NBEA: variants seen among roughly 807,000 people sequenced by gnomAD.
NBEA encodes the protein neurobeachin, also known as lysosomal-trafficking regulator 2.
NBEA carries 44 observed loss-of-function variants against 343.4 expected under a neutral mutation model. The ratio of observed to expected loss-of-function variants is 0.13; its 90% CI spans 0.10 to 0.16. NBEA has a LOEUF of 0.16. Ranked by LOEUF, NBEA falls within the 10% of genes least tolerant of loss-of-function variation. NBEA has a pLI of 1.00. For synonymous variants in NBEA, 1,175 were observed against 1,238.7 expected, an observed-to-expected ratio of 0.95 and a Z score of 1.08; for missense variants, 2,555 against 3,631.3, an observed-to-expected ratio of 0.70 and a Z score of 7.62.
At position 35,164,479 on chromosome 13, in the gene NBEA, A is replaced by C. The variant is rs780927960; in HGVS notation, c.4203A>C (p.Leu1401Phe). 1.2e-6 allele frequency: 2 copies of C among 1,611,106 alleles called. No homozygotes were observed. The highest frequency in any genetic ancestry group is 1.7e-6 in the Non-Finnish European group (2 of 1,178,490). ...TCATCATTGCTTGTGGAGGAATTTT[A>C]CCTTTGCTCTCTGCTGCTACATCAC... ...DNIIIACGGI[L>F]PLLSAATSPT... The change falls in exon 24 of 59, where the codon TTA (leucine) becomes TTC (phenylalanine). Residue 1401 changes from leucine (L) to phenylalanine (F), a missense_variant. This residue lies in a region of NBEA where 69 missense variants were observed against 128.8 expected (regional missense o/e 0.54). Coordinates refer to ENST00000379939, the MANE Select transcript of NBEA (RefSeq NM_001385012.1).
chr13:35,234,699 G>T (rs2075141925), intron 34 of NBEA, among the ~76,000 whole-genome samples: 1 of 152,072 alleles, frequency 6.6e-6, no homozygotes, highest in South Asian at 2.1e-4. Flanking sequence ...TGAGGACACA[G>T]GTTTGAAAGG....
intron 48 of NBEA, among the ~76,000 whole-genome samples, chr13:35,607,641 G>GAATTCA (rs1268230461): frequency 6.6e-6 from 1 of 151,878 alleles, no homozygotes; most frequent in African/African-American, 2.4e-5. Flanking sequence ...ATTTGAATCA[G>GAATTCA]AATTCAAATA....
chr13:35,031,140 C>T (rs1337618197), intron 1 of NBEA, among the ~76,000 whole-genome samples: 2 of 151,614 alleles, frequency 1.3e-5, no homozygotes, highest in African/African-American at 4.8e-5. Context: ...AGGCATAAAC[C>T]TCATTATCGG....
intron 39 of NBEA, among the ~76,000 whole-genome samples, chr13:35,443,812 A>G (rs1201670818): frequency 1.3e-5 from 2 of 151,906 alleles, no homozygotes; most frequent in African/African-American, 2.4e-5. Context: ...CAGTTTTGCC[A>G]TTGGGATTTT....
intron 13 of NBEA, among the ~76,000 whole-genome samples, chr13:35,111,726 A>G (rs1441098120): frequency 1.3e-5 from 2 of 151,882 alleles, no homozygotes; most frequent in Non-Finnish European, 2.9e-5. Context: ...GTTTACCTCC[A>G]TCTTTGATTT....
intron 41 of NBEA, among the ~76,000 whole-genome samples, chr13:35,497,547 G>T (rs1283078279): frequency 6.6e-6 from 1 of 151,964 alleles, no homozygotes; most frequent in East Asian, 1.9e-4. Context: ...AGATTATTTG[G>T]TTTACCTACA....
At chr13:35,348,947 A>T (rs1426720315) in intron 36 of NBEA, among the ~76,000 whole-genome samples, 161 bp from the exon 37 acceptor site, 1 of 152,092 alleles carries the variant, frequency 6.6e-6, no homozygotes, top group Non-Finnish European at 1.5e-5. Context: ...ATCTTTCTAT[A>T]TTTCACATTT....
At chr13:35,139,506 C>T (rs962048098) in intron 17 of NBEA, among the ~76,000 whole-genome samples, 4 of 152,102 alleles carry the variant, frequency 2.6e-5, no homozygotes, top group East Asian at 3.8e-4. Flanking sequence ...ATTACACTGT[C>T]GATCCATGTG....
At position 35,441,831 on chromosome 13, in the gene NBEA, G is replaced by GAAA. The variant is rs34357028; in HGVS notation, c.6304+9452_6304+9454dup. On this transcript the variant is annotated intron_variant, in intron 39 of 58. Transcript: ENST00000379939. Reference sequence around the variant, plus strand: ...CTAGTAAACAAGGAATGCTAGATGTGAAAAAAAAAAAAAAAAGAAGACACT... The same window carrying GAAA: ...CTAGTAAACAAGGAATGCTAGATGTGAAAAAAAAAAAAAAAAAAAGAAGACACT... Among the ~76,000 whole-genome samples the GAAA allele has an allele frequency of 1.7e-3, 210 of 120,022 alleles. 2 individuals are homozygous for GAAA. Among genetic ancestry groups the GAAA allele is most frequent in the African/African-American group, 6.4e-3 (204 of 31,832 alleles). 78.7% of individuals were successfully genotyped at this position (120,022 alleles called of 152,430 possible). A position where few individuals can be genotyped will look rare whatever the true frequency, so the allele number is the denominator to read the frequency against.
intron 34 of NBEA, among the ~76,000 whole-genome samples, chr13:35,289,525 T>TA (rs2035661887): frequency 6.6e-6 from 1 of 151,908 alleles, no homozygotes; most frequent in African/African-American, 2.4e-5. Context: ...ATATACATCG[T>TA]TATACAGCAG....
chr13:35,257,649 AT>A (rs1258139851), intron 34 of NBEA, among the ~76,000 whole-genome samples: 1 of 151,462 alleles, frequency 6.6e-6, no homozygotes, highest in Non-Finnish European at 1.5e-5. Flanking sequence ...AATGAAAAAA[AT>A]ATTTTGGAAA....
intron 35 of NBEA, 62 bp downstream of exon 35, chr13:35,290,512 A>G: frequency 8.9e-7 from 1 of 1,124,220 alleles, no homozygotes; most frequent in Non-Finnish European, 1.3e-6. Context: ...CTAATAATAA[A>G]AAGTATGTGC....
intron 39 of NBEA, among the ~76,000 whole-genome samples, chr13:35,449,785 T>C (rs2046213889): frequency 6.6e-6 from 1 of 152,184 alleles, no homozygotes; most frequent in Non-Finnish European, 1.5e-5. Context: ...AAAATACACA[T>C]GGAACCCATT....
At chr13:35,422,189 G>T in intron 38 of NBEA, among the ~76,000 whole-genome samples, 1 of 147,172 alleles carries the variant, frequency 6.8e-6, no homozygotes, top group Admixed American at 6.9e-5. Flanking sequence ...GGGTACATGT[G>T]CACAACGTGC....
chr13:35,155,132 T>TAA (rs753159286), intron 18 of NBEA, among the ~76,000 whole-genome samples: 964 of 61,832 alleles, frequency 0.016, 37 homozygotes, highest in South Asian at 0.039. Flanking sequence ...ATTCTGTCTC[T>TAA]AAAAAAAAAA....
chr13:35,406,219 G>A (rs547086837), intron 38 of NBEA, among the ~76,000 whole-genome samples: 1 of 151,252 alleles, frequency 6.6e-6, no homozygotes, highest in East Asian at 1.9e-4. Flanking sequence ...TGTTAATAAA[G>A]TGAAAAAATA....
intron 41 of NBEA, among the ~76,000 whole-genome samples, chr13:35,489,121 A>G (rs1171873016): frequency 6.6e-6 from 1 of 151,422 alleles, no homozygotes; most frequent in Non-Finnish European, 1.5e-5. Context: ...TACTTTATTT[A>G]TTACTGCTGT....
chr13:35,155,684 C>A, intron 18 of NBEA, 90 bp from the exon 19 acceptor site: 1 of 974,118 alleles, frequency 1.0e-6, no homozygotes, highest in Non-Finnish European at 1.6e-6. Context: ...ACTGCATTGA[C>A]ATTTCTTTTG....
intron 34 of NBEA, among the ~76,000 whole-genome samples, chr13:35,265,165 G>A (rs1257864729): frequency 6.6e-6 from 1 of 151,808 alleles, no homozygotes; most frequent in Non-Finnish European, 1.5e-5. Flanking sequence ...AAAATGCTTA[G>A]GAATGTGTTT....
Sources: allele counts gnomAD v4.1 joint callset (sites outside exome capture counted in the v4.1 genomes callset), GRCh38; gene constraint gnomAD v4.1.1; regional missense constraint gnomAD v4.1.1; transcripts MANE v1.5; gene names NCBI Gene and HGNC (gene_info 2026-07-23, HGNC 2026-07-21).